The following SYNJ2BP variants were observed in gnomAD, a reference collection of about 807,000 sequenced individuals.
SYNJ2BP encodes the protein synaptojanin 2 binding protein.
SYNJ2BP carries 10 observed loss-of-function variants against 16.9 expected under a neutral mutation model. That is an observed-to-expected ratio of 0.59 (90% CI 0.36 to 1.00). The LOEUF (loss-of-function observed/expected upper bound fraction) is 1.00, where lower values mean the gene tolerates loss of function less well. Ranked by LOEUF, SYNJ2BP falls within the 50% of genes least tolerant of loss-of-function variation. SYNJ2BP has a pLI of 0.01. For missense variants in SYNJ2BP, 162 were observed against 186.7 expected, an observed-to-expected ratio of 0.87 and a Z score of 0.77; for synonymous variants, 54 against 68.4, an observed-to-expected ratio of 0.79 and a Z score of 1.04.
intron 2 of SYNJ2BP, among the ~76,000 whole-genome samples, chr14:70,377,460 G>A (rs1184287266): frequency 6.6e-6 from 1 of 152,112 alleles, no homozygotes; most frequent in Non-Finnish European, 1.5e-5. Context: ...TAATAAACAC[G>A]CAGTGATAGC....
chr14:70,402,992 T>G (rs989688360), intron 1 of SYNJ2BP, among the ~76,000 whole-genome samples: 1 of 152,246 alleles, frequency 6.6e-6, no homozygotes, highest in African/African-American at 2.4e-5. Context: ...ACCTTACCTA[T>G]GTTTAAAGAT....
chr14:70,395,098 G>A (rs1219121925), intron 1 of SYNJ2BP, among the ~76,000 whole-genome samples: 1 of 152,174 alleles, frequency 6.6e-6, no homozygotes, highest in African/African-American at 2.4e-5. Context: ...AGCAATGCTG[G>A]GATAATGGTT....
intron 1 of SYNJ2BP, among the ~76,000 whole-genome samples, chr14:70,407,198 G>A (rs1282606755): frequency 6.6e-6 from 1 of 152,138 alleles, no homozygotes; most frequent in Admixed American, 6.5e-5. Context: ...GGAGGCCGAG[G>A]CAGGTGGATC....
chr14:70,411,808 C>T (rs1423406879), intron 1 of SYNJ2BP, among the ~76,000 whole-genome samples: 3 of 152,184 alleles, frequency 2.0e-5, no homozygotes, highest in African/African-American at 7.2e-5. Context: ...CTTCCTTTGC[C>T]CTCCCACTAA....
Position 70,373,207 on chromosome 14 carries a change from C to T in SYNJ2BP, c.298-76G>A, listed in dbSNP as rs907896741. On this transcript the variant is annotated intron_variant, in intron 3 of 3. Transcript: ENST00000256366. ...CTGAAACGCCCAGGTTGATACATCA[C>T]CTGGGTTTGTAGACTCTAGACCACC... 1.3e-5 allele frequency: 21 copies of T among 1,577,950 alleles called. No individual in the cohort carries two copies. In the Admixed American group the frequency reaches 3.3e-4, roughly 25 times the overall value.
At chr14:70,394,877 C>A (rs192633688) in intron 1 of SYNJ2BP, among the ~76,000 whole-genome samples, 1 of 152,260 alleles carries the variant, frequency 6.6e-6, no homozygotes, top group Admixed American at 6.5e-5. Context: ...AAAGGTGAGG[C>A]ATGGACAGGT....
intron 1 of SYNJ2BP, among the ~76,000 whole-genome samples, chr14:70,397,602 T>C (rs1888129232): frequency 6.6e-6 from 1 of 152,188 alleles, no homozygotes; most frequent in Non-Finnish European, 1.5e-5. Context: ...CTTCTACAGC[T>C]GGCACTGGGG....
chr14:70,385,633 A>G (rs554078192), intron 2 of SYNJ2BP, among the ~76,000 whole-genome samples: 21 of 152,170 alleles, frequency 1.4e-4, no homozygotes, highest in Admixed American at 9.8e-4. Flanking sequence ...CACCCTCATC[A>G]GCCTCCCAAA....
At chr14:70,415,542 C>A (rs1159072562) in intron 1 of SYNJ2BP, among the ~76,000 whole-genome samples, 3 of 147,282 alleles carry the variant, frequency 2.0e-5, no homozygotes, top group African/African-American at 7.6e-5. Context: ...CAGAGTGAGA[C>A]CCTGTCTCAA....
At position 70,371,872 on chromosome 14, in the gene SYNJ2BP, G is replaced by C. The variant is rs1219859305; in HGVS notation, c.*1119C>G. On this transcript the variant is annotated 3_prime_UTR_variant, in exon 4 of 4. Transcript: ENST00000256366. ...CTACCTTATCTTTTGTCCTTTTAGA[G>C]TTTTCTTGCTGGGGTGTTTGGCTCC... is the stretch of plus-strand genomic sequence containing the variant. 1 of 152,164 alleles carries C rather than the reference G, an allele frequency of 6.6e-6. No individual in the cohort carries two copies. Among genetic ancestry groups the C allele is most frequent in the Admixed American group, 6.5e-5 (1 of 15,272 alleles). The allele number at this position is 152,164 out of a possible 1,614,324, so 9.4% of individuals were successfully genotyped here.
intron 2 of SYNJ2BP, 79 bp downstream of exon 2, chr14:70,388,391 A>G: frequency 7.2e-7 from 1 of 1,392,654 alleles, no homozygotes; most frequent in African/African-American, 1.5e-5. Context: ...AAATCTTTTC[A>G]AGGAAAAGGG....
At chr14:70,381,767 A>G (rs1887755491) in intron 2 of SYNJ2BP, among the ~76,000 whole-genome samples, 1 of 152,234 alleles carries the variant, frequency 6.6e-6, no homozygotes, top group South Asian at 2.1e-4. Context: ...AGTCTGAGTT[A>G]GTTCTTACCT....
At chr14:70,374,093 AG>A (rs969677938) in intron 3 of SYNJ2BP, among the ~76,000 whole-genome samples, 2 of 152,246 alleles carry the variant, frequency 1.3e-5, no homozygotes, top group Admixed American at 6.5e-5. Context: ...CCTGAACATA[AG>A]GGTCTTTTTT....
chr14:70,401,254 T>C lies in SYNJ2BP; in HGVS notation c.65-12648A>G, dbSNP rs1888228924. Among the ~76,000 whole-genome samples, 5 of 152,140 alleles carry C rather than the reference T, an allele frequency of 3.3e-5. 1 individual carries two copies. The highest frequency in any genetic ancestry group is 3.3e-4 in the Admixed American group (5 of 15,268). On this transcript the variant is annotated intron_variant, in intron 1 of 3. Transcript: ENST00000256366. ...AATTGTCTTGGTTAAAATCTGATAA[T>C]AAGAGATTTGAAAAGATTATTTTTT... is the stretch of plus-strand genomic sequence containing the variant.
At chr14:70,404,837 T>C (rs1425507177) in intron 1 of SYNJ2BP, among the ~76,000 whole-genome samples, 1 of 152,114 alleles carries the variant, frequency 6.6e-6, no homozygotes, top group African/African-American at 2.4e-5. Flanking sequence ...GTAAATTAAA[T>C]AAGGAGGGCC....
At chr14:70,400,775 AT>A (rs1488861852) in intron 1 of SYNJ2BP, among the ~76,000 whole-genome samples, 2 of 152,198 alleles carry the variant, frequency 1.3e-5, no homozygotes, top group Non-Finnish European at 2.9e-5. Flanking sequence ...ACATGTTATA[AT>A]GGTAACTGTT....
rs141549276 is a variant in SYNJ2BP, at chr14:70,378,939, C to T, written c.202-3168G>A. 3.6e-3 allele frequency among the ~76,000 whole-genome samples: 544 copies of T among 152,256 alleles called. 3 individuals carry two copies. Among genetic ancestry groups the T allele is most frequent in the African/African-American group, 0.012 (515 of 41,552 alleles). ...CCAACTTACTAAGCAAAAGAAAATA[C>T]GTAATTGACTATTCCCTTGCCTGCT... On this transcript the variant is annotated intron_variant, in intron 2 of 3. Coordinates refer to ENST00000256366, the MANE Select transcript of SYNJ2BP (RefSeq NM_018373.3).
intron 1 of SYNJ2BP, among the ~76,000 whole-genome samples, chr14:70,389,155 T>C (rs892875444): frequency 3.3e-5 from 5 of 152,132 alleles, no homozygotes; most frequent in Admixed American, 1.3e-4. Flanking sequence ...CTGTTGATGG[T>C]ATTCAAAGGA....
chr14:70,413,800 T>G (rs1888542092), intron 1 of SYNJ2BP, among the ~76,000 whole-genome samples: 1 of 152,154 alleles, frequency 6.6e-6, no homozygotes, highest in South Asian at 2.1e-4. Context: ...CCTTATAATA[T>G]GGGCCCAAAC....
Sources: allele counts gnomAD v4.1 joint callset (sites outside exome capture counted in the v4.1 genomes callset), GRCh38; gene constraint gnomAD v4.1.1; transcripts MANE v1.5; gene names NCBI Gene and HGNC (gene_info 2026-07-23, HGNC 2026-07-21).